Variants in C12orf75 observed in about 807,000 individuals in gnomAD.
The protein encoded by C12orf75 is overexpressed in colon carcinoma 1 protein.
A neutral mutation model predicts 11.4 loss-of-function variants in C12orf75; 4 were observed. The ratio of observed to expected loss-of-function variants is 0.35; its 90% CI spans 0.17 to 0.80. The LOEUF (loss-of-function observed/expected upper bound fraction) is 0.80. Ranked by LOEUF, C12orf75 falls within the 30% of genes least tolerant of loss-of-function variation. The pLI is 0.52. For synonymous variants in C12orf75, 30 were observed against 30.0 expected (o/e 1.00, Z 0.00); for missense variants, 89 against 80.4 (o/e 1.11, Z -0.41).
rs1026308462 is a variant in C12orf75, at chr12:105,330,723, C to T, written c.-169C>T. ...GCCCGGCAGCCCGCAGCCCGCTGCG[C>T]CCCGGGCCGCGTCTCCCGGCGGTGG... On this transcript the variant is annotated 5_prime_UTR_variant, in exon 1 of 6. Coordinates refer to ENST00000443585, the MANE Select transcript of C12orf75 (RefSeq NM_001145199.2). 14 of 562,860 alleles carry T rather than the reference C, an allele frequency of 2.5e-5. No individual in the cohort carries two copies. Among genetic ancestry groups the T allele is most frequent in the East Asian group, 5.1e-5 (1 of 19,650 alleles). 34.9% of individuals were successfully genotyped at this position (562,860 alleles called of 1,614,324 possible). A position where few individuals can be genotyped will look rare whatever the true frequency, so the allele number is the denominator to read the frequency against.
intron 2 of C12orf75, among the ~76,000 whole-genome samples, chr12:105,364,837 CTTTTT>C (rs71440583): frequency 3.2e-5 from 4 of 125,690 alleles, no homozygotes; most frequent in South Asian, 2.6e-4. Flanking sequence ...ATATGGACTC[CTTTTT>C]TTTTTTTTTT....
intron 1 of C12orf75, among the ~76,000 whole-genome samples, chr12:105,343,686 T>C (rs977490848): frequency 6.6e-6 from 1 of 152,186 alleles, no homozygotes; most frequent in African/African-American, 2.4e-5. Flanking sequence ...GGTACTCTGA[T>C]AGTTTTGTTT....
intron 2 of C12orf75, among the ~76,000 whole-genome samples, chr12:105,365,266 A>T (rs553374366): frequency 5.9e-4 from 89 of 151,796 alleles, no homozygotes; most frequent in Non-Finnish European, 9.4e-4. Context: ...GTTTTTAGAT[A>T]AAAAAAAATC....
intron 1 of C12orf75, among the ~76,000 whole-genome samples, chr12:105,340,622 A>C (rs1892560110): frequency 6.6e-6 from 1 of 152,156 alleles, no homozygotes; most frequent in South Asian, 2.1e-4. Flanking sequence ...CAAAGATAAG[A>C]AGGTCTAGTG....
chr12:105,366,142 C>A, intron 3 of C12orf75: 1 of 397,914 alleles, frequency 2.5e-6, no homozygotes, highest in Non-Finnish European at 4.5e-6. Context: ...TCAGCCTTCC[C>A]TGTCCTCCTA....
chr12:105,330,999 G>A (rs1892415046), intron 1 of C12orf75, 62 bp downstream of exon 1: 1 of 1,054,846 alleles, frequency 9.5e-7, no homozygotes, highest in Admixed American at 4.3e-5. Flanking sequence ...GGAAGGAAGG[G>A]TGCAGGGATC....
chr12:105,350,675 T>C lies in C12orf75; in HGVS notation c.71+2049T>C, dbSNP rs574176216. The stretch of plus-strand genomic sequence containing the variant: ...CGTAGTTCTTCATGTTCTTGTCTTT[T>C]TTCCCTTGAGGATTGAGAGTGGGGC... On this transcript the variant is annotated intron_variant, in intron 2 of 5. Coordinates refer to ENST00000443585, the MANE Select transcript of C12orf75 (RefSeq NM_001145199.2). 4.6e-5 allele frequency among the ~76,000 whole-genome samples: 7 copies of C among 152,320 alleles called. No homozygotes were observed. In the East Asian group the frequency reaches 1.3e-3, roughly 29 times the overall value.
rs189131325 is a variant in C12orf75, at chr12:105,359,986, T to C, written c.72-5821T>C. On this transcript the variant is annotated intron_variant, in intron 2 of 5. Transcript: ENST00000443585. Reference sequence around the variant, plus strand: ...TCAGCCACCGTGAATTGGCCTTGTCTTCACTTTGTTTATCTCCTCCAGCAC... The same window carrying C: ...TCAGCCACCGTGAATTGGCCTTGTCCTCACTTTGTTTATCTCCTCCAGCAC... 2.4e-3 allele frequency among the ~76,000 whole-genome samples: 360 copies of C among 152,296 alleles called. 1 individual carries two copies. The highest frequency in any genetic ancestry group is 0.01 in the Middle Eastern group (3 of 294).
At chr12:105,334,673 A>G (rs948858130) in intron 1 of C12orf75, among the ~76,000 whole-genome samples, 1 of 152,206 alleles carries the variant, frequency 6.6e-6, no homozygotes, top group African/African-American at 2.4e-5. Flanking sequence ...CATTTGTTAT[A>G]AGGCAGGGAG....
intron 1 of C12orf75, among the ~76,000 whole-genome samples, chr12:105,338,776 A>G (rs1466062961): frequency 2.0e-5 from 3 of 152,170 alleles, no homozygotes; most frequent in Non-Finnish European, 4.4e-5. Flanking sequence ...GCCAGCTCTC[A>G]TGGAAACTAA....
At chr12:105,358,910 G>A (rs548132788) in intron 2 of C12orf75, among the ~76,000 whole-genome samples, 5 of 152,182 alleles carry the variant, frequency 3.3e-5, no homozygotes, top group Non-Finnish European at 2.9e-5. Flanking sequence ...GGGCACAGCT[G>A]TAAAGCGGAT....
chr12:105,338,864 C>T (rs933500138), intron 1 of C12orf75, among the ~76,000 whole-genome samples: 1 of 152,112 alleles, frequency 6.6e-6, no homozygotes, highest in African/African-American at 2.4e-5. Flanking sequence ...CCCATTAGAC[C>T]CCACCCCCAT....
chr12:105,339,230 T>C (rs987639498), intron 1 of C12orf75, among the ~76,000 whole-genome samples: 1 of 145,270 alleles, frequency 6.9e-6, no homozygotes, highest in African/African-American at 2.5e-5. Flanking sequence ...TATTTATTTT[T>C]CTGCAGTTAT....
chr12:105,370,657 T>A lies in C12orf75; in HGVS notation c.*57T>A. 2.2e-6 allele frequency: 1 copy of A among 457,658 alleles called. No homozygotes were observed. Among genetic ancestry groups the A allele is most frequent in the Non-Finnish European group, 4.4e-6 (1 of 226,808 alleles). 28.3% of individuals were successfully genotyped at this position (457,658 alleles called of 1,614,324 possible). Reference sequence around the variant, plus strand: ...AGCTTGCTCATCAGTTTGGAAGGAATTTGGCTCCGTGGGACGTTGTAATGT... The same window carrying A: ...AGCTTGCTCATCAGTTTGGAAGGAAATTGGCTCCGTGGGACGTTGTAATGT... On this transcript the variant is annotated 3_prime_UTR_variant, in exon 6 of 6. Transcript: ENST00000443585.
intron 2 of C12orf75, among the ~76,000 whole-genome samples, chr12:105,364,894 T>G (rs1871419213): frequency 7.0e-6 from 1 of 142,632 alleles, no homozygotes; most frequent in Admixed American, 7.7e-5. Flanking sequence ...CAAGCTGGAG[T>G]GTAATGGCGT....
chr12:105,343,038 C>T (rs1592878007), intron 1 of C12orf75, among the ~76,000 whole-genome samples: 1 of 152,256 alleles, frequency 6.6e-6, no homozygotes, highest in East Asian at 1.9e-4. Flanking sequence ...TCCTTCTTTA[C>T]ATTCTATTTA....
intron 2 of C12orf75, among the ~76,000 whole-genome samples, chr12:105,357,112 T>C (rs757287851): frequency 1.1e-4 from 17 of 152,090 alleles, no homozygotes; most frequent in Non-Finnish European, 1.9e-4. Context: ...TAGAGAGACA[T>C]TCAATGTCTC....
intron 5 of C12orf75, among the ~76,000 whole-genome samples, chr12:105,368,251 C>T (rs1592886736): frequency 1.3e-5 from 2 of 152,304 alleles, no homozygotes; most frequent in African/African-American, 4.8e-5. Flanking sequence ...CACCAAGGGT[C>T]CAACAACACA....
chr12:105,345,862 C>T (rs1005407674), intron 1 of C12orf75, among the ~76,000 whole-genome samples: 16 of 151,752 alleles, frequency 1.1e-4, no homozygotes, highest in African/African-American at 3.4e-4. Flanking sequence ...TAGGGTTTCA[C>T]CATGTTGGCC....
Sources: allele counts gnomAD v4.1 joint callset (sites outside exome capture counted in the v4.1 genomes callset), GRCh38; gene constraint gnomAD v4.1.1; transcripts MANE v1.5; gene names NCBI Gene and HGNC (gene_info 2026-07-23, HGNC 2026-07-21).